ZNF444: variants seen among roughly 807,000 people sequenced by gnomAD.
ZNF444 encodes the protein zinc finger protein 444.
A neutral mutation model predicts 14.4 loss-of-function variants in ZNF444; 8 were observed. The ratio of observed to expected loss-of-function variants is 0.56; its 90% CI spans 0.33 to 1.00. ZNF444 has a LOEUF of 1.00. ZNF444 is among the 50% of genes least tolerant of loss of function. The pLI, the probability that ZNF444 is intolerant of heterozygous loss-of-function variation, is 0.03. For missense variants in ZNF444, 510 were observed against 504.8 expected (o/e 1.01, Z -0.10); for synonymous variants, 258 against 235.9 (o/e 1.09, Z -0.86).
Position 56,158,618 on chromosome 19 carries a change from C to A in ZNF444, c.406+16C>A, listed in dbSNP as rs767019554. 1 of 1,589,090 alleles carries A rather than the reference C, an allele frequency of 6.3e-7. No individual in the cohort carries two copies. The highest frequency in any genetic ancestry group is 2.3e-5 in the East Asian group (1 of 43,244). On this transcript the variant is annotated intron_variant, in intron 4 of 4. Transcript: ENST00000337080. ...ATTCCCTTAGGTGAGCTGCTGGCCT[C>A]TCTGGTTCTCCCCGCCAGCCCCCAG... is the stretch of plus-strand genomic sequence containing the variant.
In ZNF444 at chr19:56,145,123, C is replaced by T. The variant is rs1303737638; in HGVS notation, c.-196-1124C>T. On this transcript the variant is annotated intron_variant, in intron 1 of 4. Transcript: ENST00000337080. The surrounding 1 kb of genome is among the most constrained non-coding windows in gnomAD (Gnocchi z 4.3). Reference sequence around the variant, plus strand: ...AGGCTGCAGGCCAGATTCGGCCCACCAGCTCAGAGACCACCATTTCTCAAA... The same window carrying T: ...AGGCTGCAGGCCAGATTCGGCCCACTAGCTCAGAGACCACCATTTCTCAAA... Among the ~76,000 whole-genome samples, 1 of 152,230 alleles carries T rather than the reference C, an allele frequency of 6.6e-6. No homozygotes were observed. The highest frequency in any genetic ancestry group is 1.5e-5 in the Non-Finnish European group (1 of 68,052).
rs368444985 is a variant in ZNF444, at chr19:56,135,164, G to A, written c.-197+2386G>A. Among the ~76,000 whole-genome samples the A allele has an allele frequency of 9.0e-4, 137 of 152,290 alleles. 1 individual carries two copies. Among genetic ancestry groups the A allele is most frequent in the African/African-American group, 3.2e-3 (132 of 41,562 alleles). ...GAGAATGGCATGAACCCAGGAGGTGGAGCTTGCTGTGAGCCGAGATCGCGC... is the reference window on the plus strand; with the variant it reads ...GAGAATGGCATGAACCCAGGAGGTGAAGCTTGCTGTGAGCCGAGATCGCGC... On this transcript the variant is annotated intron_variant, in intron 1 of 2. Transcript: ENST00000587467.
intron 1 of ZNF444, among the ~76,000 whole-genome samples, chr19:56,134,351 C>T (rs983144094): frequency 6.6e-6 from 1 of 152,204 alleles, no homozygotes; most frequent in African/African-American, 2.4e-5. Context: ...GGGTAAGAAC[C>T]ACTTGCCTTC....
intron 1 of ZNF444, chr19:56,143,465 T>C (rs978915817): frequency 3.9e-5 from 6 of 152,250 alleles, no homozygotes; most frequent in Admixed American, 3.9e-4. Flanking sequence ...TTCCGATAAG[T>C]CTTTCTGCCT....
At chr19:56,142,750 C>T (rs904734398) in intron 1 of ZNF444, among the ~76,000 whole-genome samples, 1 of 152,174 alleles carries the variant, frequency 6.6e-6, no homozygotes, top group African/African-American at 2.4e-5. Context: ...GTAAGTCACA[C>T]GTCCACAGTC....
Position 56,159,883 on chromosome 19 carries a change from G to A in ZNF444, c.666G>A (p.Leu222=), listed in dbSNP as rs1423412417. 7 of 1,528,280 alleles carry A rather than the reference G, an allele frequency of 4.6e-6. No homozygotes were observed. The highest frequency in any genetic ancestry group is 6.1e-6 in the Non-Finnish European group (7 of 1,143,318). The allele number at this position is 1,528,280 out of a possible 1,614,324, so 94.7% of individuals were successfully genotyped here. A position where few individuals can be genotyped will look rare whatever the true frequency, so the allele number is the denominator to read the frequency against. The change falls in exon 5 of 5, where the codon CTG becomes CTA. Residue 222 remains leucine, a synonymous_variant. Coordinates refer to ENST00000337080, the MANE Select transcript of ZNF444 (RefSeq NM_018337.4). The part of the protein sequence containing the change: ...CGKAFRRKEH[L]RRHRDTHPGS... ...AGGCCTTTCGGCGCAAGGAGCACCT[G>A]CGGCGCCACCGCGACACGCACCCCG...
intron 3 of ZNF444, chr19:56,157,005 A>C (rs1294097873): frequency 1.3e-5 from 2 of 151,926 alleles, no homozygotes; most frequent in African/African-American, 4.8e-5. Context: ...CCCAGGCTCC[A>C]CTCTCAGGTG....
chr19:56,133,812 CA>C lies in ZNF444; in HGVS notation c.-197+1049del, dbSNP rs67187542. 8.5e-4 allele frequency among the ~76,000 whole-genome samples: 110 copies of C among 129,952 alleles called. 1 individual carries two copies. Among genetic ancestry groups the C allele is most frequent in the African/African-American group, 2.9e-3 (97 of 33,584 alleles). 85.3% of individuals were successfully genotyped at this position (129,952 alleles called of 152,430 possible). ...TGGGCGACAGAGCAAGACTCCATCT[CA>C]AAAAAAAAAAAAAATGGGGTGATTC... On this transcript the variant is annotated intron_variant, in intron 1 of 2. Coordinates refer to the ZNF444 transcript ENST00000587467.
intron 1 of ZNF444, chr19:56,143,277 C>T (rs558770729): frequency 6.6e-6 from 1 of 152,324 alleles, no homozygotes; most frequent in East Asian, 1.9e-4. Context: ...AGAGAGCTCA[C>T]TTTCTGGACA....
At chr19:56,138,359 G>A (rs2030658724), upstream of ZNF444, among the ~76,000 whole-genome samples, 2 of 152,054 alleles carry the variant, frequency 1.3e-5, no homozygotes, top group Admixed American at 6.6e-5. Flanking sequence ...GGGCATGGTG[G>A]CTCACACCTG....
intron 3 of ZNF444, among the ~76,000 whole-genome samples, chr19:56,152,161 G>A (rs757686163): frequency 7.2e-5 from 11 of 152,010 alleles, no homozygotes; most frequent in African/African-American, 9.7e-5. Flanking sequence ...GCAAAACTGC[G>A]TCTCTACTAA....
At chr19:56,136,029 C>T (rs1028652845) in intron 1 of ZNF444, among the ~76,000 whole-genome samples, 2 of 131,490 alleles carry the variant, frequency 1.5e-5, no homozygotes, top group African/African-American at 5.9e-5. Context: ...TTGCAGTGAG[C>T]CAAGATCTCA....
At chr19:56,152,219 C>A (rs901600504) in intron 3 of ZNF444, among the ~76,000 whole-genome samples, 2 of 151,932 alleles carry the variant, frequency 1.3e-5, no homozygotes, top group African/African-American at 4.8e-5. Context: ...GTAATCCCAG[C>A]TACTCAGGAA....
chr19:56,153,232 G>A (rs924086282), intron 3 of ZNF444, among the ~76,000 whole-genome samples: 1 of 152,158 alleles, frequency 6.6e-6, no homozygotes, highest in African/African-American at 2.4e-5. Flanking sequence ...AGGGGACTTA[G>A]AGAAATATAT....
chr19:56,158,451 C>A, intron 3 of ZNF444, 43 bp from the exon 4 acceptor site: 1 of 1,544,648 alleles, frequency 6.5e-7, no homozygotes, highest in South Asian at 1.2e-5. Context: ...AAATAGAGGC[C>A]CTTGCTCAGG....
intron 1 of ZNF444, among the ~76,000 whole-genome samples, chr19:56,143,048 GGGT>G (rs1050691277): frequency 2.0e-5 from 3 of 152,246 alleles, no homozygotes; most frequent in Non-Finnish European, 4.4e-5. Flanking sequence ...AAGGCATCCA[GGGT>G]GCCTGGCTCT....
intron 3 of ZNF444, among the ~76,000 whole-genome samples, chr19:56,152,632 A>G (rs1444421679): frequency 6.6e-6 from 1 of 151,978 alleles, no homozygotes; most frequent in East Asian, 1.9e-4. Context: ...GTAACAAGGT[A>G]CCATAGGCTG....
rs61736530 is a variant in ZNF444, at chr19:56,158,520, G to T, written c.324G>T (p.Ser108=). 4 of 1,611,294 alleles carry T rather than the reference G, an allele frequency of 2.5e-6. No homozygotes were observed. Among genetic ancestry groups the T allele is most frequent in the Non-Finnish European group, 3.4e-6 (4 of 1,178,704 alleles). Residue 108 remains serine (S), a synonymous_variant, in exon 4 of 5, where the codon TCG becomes TCT. Transcript: ENST00000337080. ...GGCCAGCAGCCTCCCCCGATGGGTC[G>T]TCAGCAACGAGGGTGCCTCAGGATG... is the stretch of plus-strand genomic sequence containing the variant. ...LWGPAASPDG[S]SATRVPQDVT...
intron 3 of ZNF444, among the ~76,000 whole-genome samples, chr19:56,152,486 T>G (rs116459482): frequency 6.7e-6 from 1 of 149,860 alleles, no homozygotes; most frequent in African/African-American, 2.5e-5. Flanking sequence ...GGGTTTTGTT[T>G]TTTTTTTTTT....
Sources: gnomAD v4.1 joint callset for allele counts (sites outside exome capture counted in the v4.1 genomes callset) on GRCh38, gnomAD v4.1.1 for gene constraint, Gnocchi (gnomAD v3.1) non-coding constraint, MANE v1.5 for transcripts, NCBI Gene and HGNC (gene_info 2026-07-23, HGNC 2026-07-21) for gene names.